Variants in ANKFN1 observed in about 807,000 individuals in gnomAD.
ANKFN1 encodes the protein ankyrin repeat and fibronectin type III domain containing 1, also known as ankyrin repeat and fibronectin type-III domain-containing protein 1.
A neutral mutation model predicts 108.7 loss-of-function variants in ANKFN1; 74 were observed. The observed-to-expected ratio is 0.68, with a 90% CI of 0.56 to 0.83. The LOEUF is 0.83. ANKFN1 is among the 40% of genes least tolerant of loss of function. The pLI, the probability that ANKFN1 is intolerant of heterozygous loss-of-function variation, is 0.00. For missense variants in ANKFN1, 1,505 were observed against 1,382.3 expected (o/e 1.09, Z -1.41); for synonymous variants, 547 against 516.2 (o/e 1.06, Z -0.81).
chr17:56,371,062 A>G (rs1201391094), intron 6 of ANKFN1, among the ~76,000 whole-genome samples: 1 of 152,010 alleles, frequency 6.6e-6, no homozygotes, highest in Admixed American at 6.5e-5. Flanking sequence ...GGGATTCTGC[A>G]TAGTGTAGCT....
At chr17:56,178,777 C>A (rs76762903) in intron 1 of ANKFN1, among the ~76,000 whole-genome samples, 1 of 151,938 alleles carries the variant, frequency 6.6e-6, no homozygotes, top group Non-Finnish European at 1.5e-5. Context: ...ACTTCTCAGA[C>A]GTTTAATATG....
At chr17:56,453,673 A>G (rs2215758) in intron 11 of ANKFN1, among the ~76,000 whole-genome samples, 15,991 of 152,100 alleles carry the variant, frequency 0.11, 2,285 homozygotes, top group African/African-American at 0.33. Context: ...TTTCCCCCTC[A>G]CAGCATCCTG....
intron 6 of ANKFN1, among the ~76,000 whole-genome samples, chr17:56,356,542 G>A (rs571464610): frequency 6.6e-6 from 1 of 152,232 alleles, no homozygotes; most frequent in Non-Finnish European, 1.5e-5. Flanking sequence ...CTATAAAAAT[G>A]CTAAGCTTAC....
chr17:56,324,932 C>T (rs76154808), intron 3 of ANKFN1, among the ~76,000 whole-genome samples: 4,466 of 152,210 alleles, frequency 0.029, 100 homozygotes, highest in Non-Finnish European at 0.045. Flanking sequence ...TGGGGGTGAG[C>T]GAGCTATCAG....
At chr17:56,106,701 T>C (rs1404688839) in intron 4 of ANKFN1, among the ~76,000 whole-genome samples, 1 of 152,208 alleles carries the variant, frequency 6.6e-6, no homozygotes, top group Non-Finnish European at 1.5e-5. Context: ...TTGGGAATAA[T>C]AATATTTGCT....
chr17:56,453,948 A>AATTTCACAGTGATGTACT (rs1292775715), intron 11 of ANKFN1, among the ~76,000 whole-genome samples: 1 of 152,074 alleles, frequency 6.6e-6, no homozygotes, highest in Non-Finnish European at 1.5e-5. Flanking sequence ...AATGTTCTAA[A>AATTTCACAGTGATGTACT]ATTTCACAGT....
chr17:56,501,218 A>ACAGAAGC (rs2051358380), intron 20 of ANKFN1, among the ~76,000 whole-genome samples: 1 of 152,214 alleles, frequency 6.6e-6, no homozygotes, highest in South Asian at 2.1e-4. Context: ...AGAGAGCAAG[A>ACAGAAGC]CAGAAGCCAG....
intron 8 of ANKFN1, among the ~76,000 whole-genome samples, chr17:56,418,510 A>T (rs912459097): frequency 6.6e-6 from 1 of 152,208 alleles, no homozygotes; most frequent in African/African-American, 2.4e-5. Context: ...TTAAGATGGC[A>T]GTGTGATGAG....
intron 2 of ANKFN1, among the ~76,000 whole-genome samples, chr17:56,219,145 GATAA>G (rs1475069171): frequency 1.3e-5 from 2 of 152,012 alleles, no homozygotes; most frequent in African/African-American, 4.8e-5. Context: ...ATAAATATTT[GATAA>G]ATAAATACAT....
At chr17:56,422,165 T>C (rs977494268) in intron 8 of ANKFN1, among the ~76,000 whole-genome samples, 24 of 152,226 alleles carry the variant, frequency 1.6e-4, no homozygotes, top group African/African-American at 5.8e-4. Flanking sequence ...GCATAAATTA[T>C]GCATTTTAAA....
intron 10 of ANKFN1, among the ~76,000 whole-genome samples, chr17:56,444,345 C>T (rs560060451): frequency 1.3e-5 from 2 of 152,198 alleles, no homozygotes; most frequent in South Asian, 2.1e-4. Context: ...GTCCATGTGT[C>T]TTCATAACTC....
At chr17:56,125,608 G>A (rs762421037) in intron 4 of ANKFN1, among the ~76,000 whole-genome samples, 4 of 152,226 alleles carry the variant, frequency 2.6e-5, no homozygotes, top group Non-Finnish European at 5.9e-5. Flanking sequence ...TGTAAAGTAA[G>A]TTGTTTCTAT....
chr17:56,196,859 C>T (rs745850840), intron 1 of ANKFN1, among the ~76,000 whole-genome samples: 13 of 152,100 alleles, frequency 8.5e-5, no homozygotes, highest in Non-Finnish European at 1.8e-4. Context: ...AAGTTATGGC[C>T]CATCAGAAAG....
chr17:56,484,091 C>A (rs906689653), intron 18 of ANKFN1, among the ~76,000 whole-genome samples: 13 of 152,000 alleles, frequency 8.6e-5, no homozygotes, highest in African/African-American at 2.9e-4. Flanking sequence ...AAAAAGAAAA[C>A]CTTTCTTGTT....
intron 3 of ANKFN1, among the ~76,000 whole-genome samples, chr17:56,314,837 T>C (rs1162134008): frequency 6.6e-6 from 1 of 152,178 alleles, no homozygotes; most frequent in Non-Finnish European, 1.5e-5. Flanking sequence ...AGTCAAAAAA[T>C]TTATAGATGT....
intron 9 of ANKFN1, among the ~76,000 whole-genome samples, chr17:56,440,959 C>T (rs1349382086): frequency 6.6e-6 from 1 of 151,710 alleles, no homozygotes; most frequent in African/African-American, 2.4e-5. Flanking sequence ...TGTTTCTCAG[C>T]AACCTAAACT....
chr17:56,312,853 G>A (rs2045075315), intron 3 of ANKFN1, among the ~76,000 whole-genome samples: 1 of 152,178 alleles, frequency 6.6e-6, no homozygotes, highest in Non-Finnish European at 1.5e-5. Flanking sequence ...TATGGTTGGT[G>A]CTTTTAGAAA....
intron 1 of ANKFN1, among the ~76,000 whole-genome samples, chr17:56,178,778 G>A (rs4794626): frequency 6.6e-6 from 1 of 151,864 alleles, no homozygotes; most frequent in South Asian, 2.1e-4. Context: ...CTTCTCAGAC[G>A]TTTAATATGC....
chr17:56,350,635 A>T (rs2046221881), intron 4 of ANKFN1, 131 bp from the exon 5 acceptor site: 2 of 835,548 alleles, frequency 2.4e-6, no homozygotes, highest in Admixed American at 5.6e-5. Flanking sequence ...GCTGGGTCTG[A>T]TAATCTCTAA....
Sources: allele counts gnomAD v4.1 joint callset (sites outside exome capture counted in the v4.1 genomes callset), GRCh38; gene constraint gnomAD v4.1.1; transcripts MANE v1.5; gene names NCBI Gene and HGNC (gene_info 2026-07-23, HGNC 2026-07-21).